Variants in CLIP2 observed in about 807,000 individuals in gnomAD.
CLIP2 encodes CAP-Gly domain-containing linker protein 2.
A neutral mutation model predicts 111.7 loss-of-function variants in CLIP2; 41 were observed. The observed-to-expected ratio is 0.37, with a 90% CI of 0.29 to 0.48. The LOEUF is 0.48. CLIP2 is among the 20% of genes least tolerant of loss of function. CLIP2 has a pLI of 0.99. For missense variants in CLIP2, 1,160 were observed against 1,422.1 expected (o/e 0.82, Z 2.96); for synonymous variants, 660 against 644.2 (o/e 1.02, Z -0.37).
intron 6 of CLIP2, among the ~76,000 whole-genome samples, chr7:74,359,636 G>T (rs570564164): frequency 8.1e-4 from 124 of 152,196 alleles, no homozygotes; most frequent in East Asian, 2.1e-3. Flanking sequence ...ATTACAGGCA[G>T]GAGCCACTGC....
chr7:74,310,716 C>CT (rs782004421), intron 1 of CLIP2, among the ~76,000 whole-genome samples: 168 of 142,976 alleles, frequency 1.2e-3, no homozygotes, highest in Middle Eastern at 0.011. Flanking sequence ...TTTTAACTTT[C>CT]TTTTTTTTTT....
intron 3 of CLIP2, among the ~76,000 whole-genome samples, chr7:74,343,117 G>T (rs1487014539): frequency 1.3e-5 from 2 of 151,830 alleles, no homozygotes; most frequent in Non-Finnish European, 2.9e-5. Context: ...GAACTCAGGA[G>T]GCGGAGGTTG....
chr7:74,385,122 C>CAAAAAAA (rs71094780), intron 11 of CLIP2, among the ~76,000 whole-genome samples: 2 of 51,608 alleles, frequency 3.9e-5, no homozygotes, highest in Admixed American at 2.6e-4. Flanking sequence ...ATTAAAAATA[C>CAAAAAAA]AAAAAAAAAA....
chr7:74,292,263 A>G (rs1411172281), intron 1 of CLIP2, among the ~76,000 whole-genome samples: 1 of 151,736 alleles, frequency 6.6e-6, no homozygotes, highest in African/African-American at 2.4e-5. Context: ...CTCCACTTCC[A>G]TACACAGGGG....
rs1790684499 is a variant in CLIP2 at position 74,373,143 on chromosome 7, C to T, written c.1485+107C>T. On this transcript the variant is annotated intron_variant, in intron 9 of 16. Transcript: ENST00000223398. ...ACTCTCTTTCTTTAGCTGCTATCAT[C>T]TTTTTTATTTTTATTTTTTATTTTT... 1.4e-5 allele frequency: 9 copies of T among 663,194 alleles called. No individual in the cohort carries two copies. In the East Asian group the frequency reaches 2.5e-4, roughly 19 times the overall value. The allele number at this position is 663,194 out of a possible 1,614,324, so 41.1% of individuals were successfully genotyped here.
chr7:74,321,065 C>G (rs1278970799), intron 2 of CLIP2, among the ~76,000 whole-genome samples: 3 of 152,142 alleles, frequency 2.0e-5, no homozygotes, highest in Non-Finnish European at 2.9e-5. Flanking sequence ...TAGCCCTGCT[C>G]CTGCTGTGTG....
At position 74,317,675 on chromosome 7, in the gene CLIP2, G is replaced by T; in HGVS notation, c.121+8G>T. ...CCGCTAGCTCCAAGGAAGGTACGTG[G>T]CACACCAAGGATGGGGGGTGAGGGG... On this transcript the variant is annotated splice_region_variant and intron_variant, in intron 2 of 16. Coordinates refer to ENST00000223398, the MANE Select transcript of CLIP2 (RefSeq NM_003388.5). 1 of 1,449,182 alleles carries T rather than the reference G, an allele frequency of 6.9e-7. No homozygotes were observed. The highest frequency in any genetic ancestry group is 9.1e-7 in the Non-Finnish European group (1 of 1,095,230). The allele number at this position is 1,449,182 out of a possible 1,614,324, so 89.8% of individuals were successfully genotyped here. A position where few individuals can be genotyped will look rare whatever the true frequency, so the allele number is the denominator to read the frequency against.
intron 6 of CLIP2, among the ~76,000 whole-genome samples, chr7:74,359,193 T>C (rs186942753): frequency 6.6e-6 from 1 of 151,714 alleles, no homozygotes; most frequent in Non-Finnish European, 1.5e-5. Context: ...GGTCTTGAAC[T>C]CCTGGCCTCA....
Position 74,371,684 on chromosome 7 carries a change from CG to C in CLIP2, c.1381-1241del, listed in dbSNP as rs111521730. 6.5e-3 allele frequency among the ~76,000 whole-genome samples: 655 copies of C among 100,298 alleles called. 4 individuals carry two copies. The highest frequency in any genetic ancestry group is 8.8e-3 in the Non-Finnish European group (467 of 53,106). 65.8% of individuals were successfully genotyped at this position (100,298 alleles called of 152,430 possible). ...GGGAAAAAGAAAGGAGGGAGAGAGA[CG>C]GGGGGGAGAAAGAAGAGAGAGAAAG... is the stretch of plus-strand genomic sequence containing the variant. On this transcript the variant is annotated intron_variant, in intron 8 of 16. Transcript: ENST00000223398.
intron 3 of CLIP2, among the ~76,000 whole-genome samples, chr7:74,339,533 C>T (rs1411741105): frequency 1.3e-5 from 2 of 151,882 alleles, no homozygotes; most frequent in African/African-American, 2.4e-5. Flanking sequence ...CTTGAACTCC[C>T]GACCTCAGGT....
intron 2 of CLIP2, among the ~76,000 whole-genome samples, chr7:74,321,847 T>C (rs1160274488): frequency 1.3e-5 from 2 of 152,072 alleles, no homozygotes; most frequent in Non-Finnish European, 2.9e-5. Flanking sequence ...TCATCAGTCA[T>C]GTCCTAGACC....
Position 74,376,580 on chromosome 7 carries a change from G to C in CLIP2, c.2179G>C (p.Asp727His), listed in dbSNP as rs1790797281. 6.2e-7 allele frequency: 1 copy of C among 1,611,144 alleles called. No individual in the cohort carries two copies. The highest frequency in any genetic ancestry group is 8.5e-7 in the Non-Finnish European group (1 of 1,179,154). The part of the protein sequence containing the change: ...ELQEAQDQRR[D>H]AELRVHELEK... ...GCAGGAGGCCCAGGACCAGCGCCGG[G>C]ATGCCGAGCTGCGTGTGCACGAGCT... Residue 727 changes from aspartate to histidine, a missense_variant, in exon 10 of 17, where the codon GAT becomes CAT. Asp to His is a moderately conservative substitution (Grantham distance 81). Around this residue, in one of 5 missense-constraint regions of CLIP2, gnomAD observed 676 missense variants for 777.8 expected, o/e 0.87. Transcript: ENST00000223398. The surrounding 1 kb of genome is among the most constrained non-coding windows in gnomAD (Gnocchi z 7.1).
chr7:74,382,814 G>A (rs1439096053), intron 11 of CLIP2, among the ~76,000 whole-genome samples: 1 of 151,826 alleles, frequency 6.6e-6, no homozygotes, highest in African/African-American at 2.4e-5. Context: ...GCTCACACTT[G>A]TAATCCCAGC....
At chr7:74,292,171 C>T (rs1313110745) in intron 1 of CLIP2, among the ~76,000 whole-genome samples, 2 of 151,984 alleles carry the variant, frequency 1.3e-5, no homozygotes, top group African/African-American at 4.8e-5. Context: ...ATCCACCTGC[C>T]TCAGGCTCCC....
intron 2 of CLIP2, among the ~76,000 whole-genome samples, chr7:74,319,569 G>A (rs918894409): frequency 6.6e-6 from 1 of 152,066 alleles, no homozygotes; most frequent in Non-Finnish European, 1.5e-5. Flanking sequence ...CTGTAATCCA[G>A]CACTTTGGGA....
At chr7:74,321,145 C>T (rs375192734) in intron 2 of CLIP2, among the ~76,000 whole-genome samples, 3 of 152,050 alleles carry the variant, frequency 2.0e-5, no homozygotes, top group Non-Finnish European at 2.9e-5. Context: ...TGGGATCAAG[C>T]GAGTTAATGA....
intron 12 of CLIP2, among the ~76,000 whole-genome samples, chr7:74,388,275 T>C (rs1554315175): frequency 6.6e-6 from 1 of 151,826 alleles, no homozygotes; most frequent in Non-Finnish European, 1.5e-5. Context: ...GAGGTTGCAA[T>C]AAGTCGAGAT....
intron 1 of CLIP2, among the ~76,000 whole-genome samples, chr7:74,291,263 C>T (rs1788009386): frequency 1.3e-5 from 2 of 152,124 alleles, no homozygotes; most frequent in South Asian, 4.1e-4. Context: ...TCCACACACA[C>T]CTGTGTGCAC....
intron 3 of CLIP2, among the ~76,000 whole-genome samples, chr7:74,340,071 G>C (rs1437687282): frequency 1.3e-5 from 2 of 151,946 alleles, no homozygotes; most frequent in Non-Finnish European, 2.9e-5. Flanking sequence ...TCCAGCTTGG[G>C]TGACAGAGCC....
Sources: gnomAD v4.1 joint callset for allele counts (sites outside exome capture counted in the v4.1 genomes callset) on GRCh38, gnomAD v4.1.1 for gene constraint, gnomAD v4.1.1 regional missense constraint, Gnocchi (gnomAD v3.1) non-coding constraint, MANE v1.5 for transcripts, NCBI Gene and HGNC (gene_info 2026-07-23, HGNC 2026-07-21) for gene names.